The following CAMTA1 variants were observed in gnomAD, a reference collection of about 807,000 sequenced individuals.
CAMTA1 encodes the protein calmodulin-binding transcription activator 1.
A neutral mutation model predicts 170.9 loss-of-function variants in CAMTA1; 27 were observed. The ratio of observed to expected loss-of-function variants is 0.16; its 90% confidence interval spans 0.12 to 0.22. The LOEUF (loss-of-function observed/expected upper bound fraction) is 0.22, where lower values mean the gene tolerates loss of function less well. Among genes scored for constraint, CAMTA1 ranks in the 10% least tolerant of loss-of-function variants. CAMTA1 has a pLI of 1.00. For synonymous variants in CAMTA1, 833 were observed against 891.5 expected (o/e 0.93, Z 1.17); for missense variants, 1,619 against 2,217.2 (o/e 0.73, Z 5.42).
chr1:7,321,410 C>T (rs1202054166), intron 5 of CAMTA1, among the ~76,000 whole-genome samples: 1 of 152,170 alleles, frequency 6.6e-6, no homozygotes, highest in Non-Finnish European at 1.5e-5. Flanking sequence ...AGCCCTCCAT[C>T]CCTGGCCAGC....
Position 7,224,360 on chromosome 1 carries a change from C to A in CAMTA1, c.303-25131C>A, listed in dbSNP as rs74890148. Among the ~76,000 whole-genome samples, 3,161 of 152,296 alleles carry A rather than the reference C, an allele frequency of 0.021. 64 individuals carry two copies. The highest frequency in any genetic ancestry group is 0.086 in the East Asian group (445 of 5,166). On this transcript the variant is annotated intron_variant, in intron 4 of 22. Coordinates refer to ENST00000303635, the MANE Select transcript of CAMTA1 (RefSeq NM_015215.4). This position sits in a 1 kb window ranked among gnomAD's most constrained non-coding sequence, Gnocchi z 5.2. ...TGCACCGCTCTGCAGGCTCTCGTCC[C>A]AGTTGGCAAGGGCGCCACAGCTGGA...
intron 11 of CAMTA1, chr1:7,694,436 A>G (rs2096352838): frequency 1.3e-5 from 2 of 152,336 alleles, no homozygotes; most frequent in South Asian, 4.1e-4. Context: ...TAAAATATGA[A>G]ATTAAATGAC....
At chr1:7,659,975 C>T (rs2095940333) in intron 7 of CAMTA1, among the ~76,000 whole-genome samples, 1 of 152,186 alleles carries the variant, frequency 6.6e-6, no homozygotes, top group Non-Finnish European at 1.5e-5. Flanking sequence ...AAAACCTAGA[C>T]TCAGACCAGG....
intron 22 of CAMTA1, among the ~76,000 whole-genome samples, chr1:7,761,644 A>T (rs1392667027): frequency 6.6e-6 from 1 of 152,152 alleles, no homozygotes; most frequent in Non-Finnish European, 1.5e-5. Flanking sequence ...AATTTCAAAA[A>T]TTCTTGTCTA....
At chr1:7,494,162 A>T (rs2093787805) in intron 6 of CAMTA1, among the ~76,000 whole-genome samples, 1 of 148,144 alleles carries the variant, frequency 6.8e-6, no homozygotes, top group Non-Finnish European at 1.5e-5. Flanking sequence ...AAAAAAAAAA[A>T]AAAATGTAAC....
chr1:7,691,158 A>G (rs2096306346), intron 11 of CAMTA1, among the ~76,000 whole-genome samples: 1 of 152,190 alleles, frequency 6.6e-6, no homozygotes, highest in African/African-American at 2.4e-5. Context: ...TCTTGAAGAA[A>G]TGACCCCCAA....
intron 1 of CAMTA1, among the ~76,000 whole-genome samples, chr1:6,815,253 A>C (rs577359150): frequency 6.7e-6 from 1 of 150,276 alleles, no homozygotes; most frequent in Non-Finnish European, 1.5e-5. Context: ...TGCCTAGGCT[A>C]TAGTGCAGTA....
chr1:7,729,303 A>G (rs774365451), intron 11 of CAMTA1, among the ~76,000 whole-genome samples: 1 of 151,980 alleles, frequency 6.6e-6, no homozygotes, highest in Non-Finnish European at 1.5e-5. Flanking sequence ...TGTTTTTAGT[A>G]GAGACTGGGT....
intron 4 of CAMTA1, among the ~76,000 whole-genome samples, chr1:7,110,255 T>G (rs977894088): frequency 1.3e-5 from 2 of 152,028 alleles, no homozygotes; most frequent in Non-Finnish European, 1.5e-5. Context: ...CCCAACCCAT[T>G]AGAATTTTCA....
chr1:7,379,310 G>GT (rs757605415), intron 5 of CAMTA1, among the ~76,000 whole-genome samples: 3 of 152,226 alleles, frequency 2.0e-5, no homozygotes, highest in Non-Finnish European at 4.4e-5. Context: ...GAGACTTGCT[G>GT]TTGGCAGTGA....
At position 7,663,521 on chromosome 1, in the gene CAMTA1, A is replaced by C. The variant is rs1474516392; in HGVS notation, c.974A>C (p.Lys325Thr). Residue 325 changes from lysine to threonine, a missense_variant, in exon 9 of 23, where the codon AAG (lysine) becomes ACG (threonine). Transcript: ENST00000303635. ...CACAGCAAGGGCTCCAGCCGTGAGA[A>C]GAGGAACGGCAAGGTGGCCAAGCCC... is the stretch of plus-strand genomic sequence containing the variant. Reference protein sequence around the residue: ...HSHSKGSSREKRNGKVAKPVL... With the variant: ...HSHSKGSSRETRNGKVAKPVL... 6.2e-7 allele frequency: 1 copy of C among 1,603,350 alleles called. No homozygotes were observed. Among genetic ancestry groups the C allele is most frequent in the Admixed American group, 1.7e-5 (1 of 59,796 alleles).
intron 11 of CAMTA1, among the ~76,000 whole-genome samples, chr1:7,691,080 G>A (rs1055247711): frequency 1.3e-5 from 2 of 152,202 alleles, no homozygotes; most frequent in Admixed American, 1.3e-4. Flanking sequence ...ACCTGTCTTC[G>A]CACAAACAAG....
At chr1:6,932,703 A>G (rs1684620136) in intron 3 of CAMTA1, among the ~76,000 whole-genome samples, 1 of 152,176 alleles carries the variant, frequency 6.6e-6, no homozygotes, top group African/African-American at 2.4e-5. Context: ...GGCATGTGGT[A>G]TATCTCGTCA....
At chr1:7,752,716 C>G (rs2096906071) in intron 21 of CAMTA1, among the ~76,000 whole-genome samples, 183 bp downstream of exon 21, 1 of 152,180 alleles carries the variant, frequency 6.6e-6, no homozygotes, top group Non-Finnish European at 1.5e-5. Flanking sequence ...CCTTGGAGTG[C>G]TGGTAACCAT....
rs1467606336 is a variant in CAMTA1 at position 7,044,328 on chromosome 1, G to A, written c.235-46976G>A. On this transcript the variant is annotated intron_variant, in intron 3 of 22. Transcript: ENST00000303635. The surrounding 1 kb of genome is among the most constrained non-coding windows in gnomAD (Gnocchi z 5.0). ...ACCCAGAGAGACGCAGAGCAGTGCC[G>A]CTGGGGACCCCGGGGACTCAGAGCA... Among the ~76,000 whole-genome samples the A allele has an allele frequency of 1.3e-5, 2 of 151,824 alleles. No homozygotes were observed. The highest frequency in any genetic ancestry group is 4.8e-5 in the African/African-American group (2 of 41,332).
At chr1:7,626,443 G>A (rs998323884) in intron 6 of CAMTA1, among the ~76,000 whole-genome samples, 6 of 152,138 alleles carry the variant, frequency 3.9e-5, no homozygotes, top group Non-Finnish European at 2.9e-5. Flanking sequence ...CTACCACCAG[G>A]AAGACACTAA....
intron 3 of CAMTA1, among the ~76,000 whole-genome samples, chr1:6,926,765 C>G (rs1394422055): frequency 6.7e-6 from 1 of 148,218 alleles, no homozygotes; most frequent in African/African-American, 2.5e-5. Context: ...AGATCTGGCT[C>G]TGTCACCCAG....
At chr1:6,858,483 TGTTGGGGGGGGG>T (rs1663304768) in intron 3 of CAMTA1, among the ~76,000 whole-genome samples, 1 of 70,372 alleles carries the variant, frequency 1.4e-5, no homozygotes. Flanking sequence ...TGTGTGTGTG[TGTTGGGGGGGGG>T]GTGTTGTGAT....
At chr1:7,500,720 G>A (rs947858138) in intron 6 of CAMTA1, among the ~76,000 whole-genome samples, 11 of 152,142 alleles carry the variant, frequency 7.2e-5, no homozygotes, top group African/African-American at 9.7e-5. Context: ...GGCTGGCTCC[G>A]TCCAGATGGA....
Sources: gnomAD v4.1 joint callset for allele counts (sites outside exome capture counted in the v4.1 genomes callset) on GRCh38, gnomAD v4.1.1 for gene constraint, Gnocchi (gnomAD v3.1) non-coding constraint, MANE v1.5 for transcripts, NCBI Gene and HGNC (gene_info 2026-07-23, HGNC 2026-07-21) for gene names.